Variants in NRXN1 observed in about 807,000 individuals in gnomAD.
NRXN1 encodes the protein neurexin 1, also known as neurexin-1.
In NRXN1, 39 loss-of-function variants were observed where a neutral mutation model predicts 150.9. The ratio of observed to expected loss-of-function variants is 0.26; its 90% confidence interval spans 0.20 to 0.34. NRXN1 has a LOEUF of 0.34. NRXN1 is among the 10% of genes least tolerant of loss of function. NRXN1 has a pLI of 1.00. For missense variants in NRXN1, 1,815 were observed against 1,949.9 expected, an observed-to-expected ratio of 0.93 and a Z score of 1.30; for synonymous variants, 924 against 757.0, an observed-to-expected ratio of 1.22 and a Z score of -3.62.
intron 17 of NRXN1, among the ~76,000 whole-genome samples, chr2:50,380,295 T>C (rs35401861): frequency 0.25 from 37,594 of 149,882 alleles, 4,804 homozygotes; most frequent in East Asian, 0.44. Flanking sequence ...TGTGTGTGTG[T>C]GCGTGTGTGT....
chr2:50,934,929 C>T (rs190363997), intron 2 of NRXN1, among the ~76,000 whole-genome samples: 148 of 152,150 alleles, frequency 9.7e-4, no homozygotes, highest in Admixed American at 2.6e-3. Context: ...AAGTCTTTTC[C>T]TTTAGACCTC....
At chr2:50,569,126 A>G (rs1670284724) in intron 8 of NRXN1, among the ~76,000 whole-genome samples, 1 of 152,068 alleles carries the variant, frequency 6.6e-6, no homozygotes, top group African/African-American at 2.4e-5. Flanking sequence ...AAAAGGATGG[A>G]TACCGGGGCC....
intron 2 of NRXN1, among the ~76,000 whole-genome samples, chr2:50,965,275 T>C (rs1693881801): frequency 6.6e-6 from 1 of 151,372 alleles, no homozygotes; most frequent in Admixed American, 6.6e-5. Flanking sequence ...GACACTAACA[T>C]TTTTATCTCA....
At chr2:50,264,447 G>C (rs1354776809) in intron 17 of NRXN1, among the ~76,000 whole-genome samples, 2 of 152,000 alleles carry the variant, frequency 1.3e-5, no homozygotes, top group African/African-American at 2.4e-5. Flanking sequence ...CAATCATTTT[G>C]AAAGAAGGTA....
chr2:50,635,387 G>C (rs1486114276), intron 5 of NRXN1, among the ~76,000 whole-genome samples: 1 of 149,804 alleles, frequency 6.7e-6, no homozygotes, highest in African/African-American at 2.5e-5. Flanking sequence ...GGATGGTCTC[G>C]ATCTCCTGAG....
chr2:50,000,129 A>T (rs1025630963), intron 21 of NRXN1, among the ~76,000 whole-genome samples: 1 of 152,204 alleles, frequency 6.6e-6, no homozygotes, highest in African/African-American at 2.4e-5. Context: ...GTATCCTGAT[A>T]TGATGAACTA....
intron 17 of NRXN1, among the ~76,000 whole-genome samples, chr2:50,420,962 C>CTGTGTGTG (rs4032055): frequency 1.4e-3 from 169 of 120,020 alleles, no homozygotes; most frequent in Non-Finnish European, 1.8e-3. Flanking sequence ...CAAAATAGAC[C>CTGTGTGTG]TGTGTGTGTG....
chr2:50,945,899 T>TACAC (rs1553403042), intron 2 of NRXN1, among the ~76,000 whole-genome samples: 37 of 103,020 alleles, frequency 3.6e-4, no homozygotes, highest in African/African-American at 1.3e-3. Context: ...TATATATATA[T>TACAC]ACACACACAC....
intron 21 of NRXN1, among the ~76,000 whole-genome samples, 157 bp from the exon 22 acceptor site, chr2:49,943,948 T>C (rs1475625358): frequency 4.6e-5 from 7 of 152,242 alleles, no homozygotes; most frequent in Non-Finnish European, 7.3e-5. Flanking sequence ...AGATCCTTCA[T>C]AGAAGTAACT....
At chr2:50,699,290 C>A (rs1693391050) in intron 5 of NRXN1, among the ~76,000 whole-genome samples, 2 of 152,166 alleles carry the variant, frequency 1.3e-5, no homozygotes, top group Non-Finnish European at 2.9e-5. Flanking sequence ...TAGACAGAAT[C>A]CTCACCACCA....
chr2:50,993,099 T>C (rs1440940889), intron 2 of NRXN1, among the ~76,000 whole-genome samples: 1 of 151,976 alleles, frequency 6.6e-6, no homozygotes, highest in Non-Finnish European at 1.5e-5. Flanking sequence ...AGGGAATTAT[T>C]TGAAGCATAC....
chr2:49,929,899 C>A (rs1669824292), intron 22 of NRXN1, among the ~76,000 whole-genome samples: 1 of 152,136 alleles, frequency 6.6e-6, no homozygotes, highest in Non-Finnish European at 1.5e-5. Flanking sequence ...AAGAAGGAAT[C>A]ACACAGTTAA....
chr2:51,009,231 A>C (rs1667482244), intron 2 of NRXN1: 1 of 151,902 alleles, frequency 6.6e-6, no homozygotes, highest in South Asian at 2.1e-4. Context: ...CTCTATAGAT[A>C]TTCAGTTGTG....
chr2:50,873,252 A>T (rs988788945), intron 5 of NRXN1, among the ~76,000 whole-genome samples: 7 of 151,850 alleles, frequency 4.6e-5, no homozygotes, highest in Admixed American at 6.6e-5. Context: ...GGCATATAAT[A>T]ACACTATATA....
chr2:50,091,520 G>T, intron 18 of NRXN1, 26 bp from the exon 19 acceptor site: 1 of 1,608,966 alleles, frequency 6.2e-7, no homozygotes, highest in Non-Finnish European at 8.5e-7. Context: ...GGAAAAAAGA[G>T]TTGAATTAAG....
intron 18 of NRXN1, among the ~76,000 whole-genome samples, chr2:50,108,189 C>T (rs1162660213): frequency 6.6e-6 from 1 of 152,120 alleles, no homozygotes; most frequent in African/African-American, 2.4e-5. Context: ...AAATTACAAT[C>T]CCTCCTAAAT....
At chr2:50,110,564 T>C (rs1702251880) in intron 18 of NRXN1, among the ~76,000 whole-genome samples, 1 of 148,474 alleles carries the variant, frequency 6.7e-6, no homozygotes, top group African/African-American at 2.5e-5. Context: ...ACCTTCAAAA[T>C]AAAAAATAAT....
intron 17 of NRXN1, among the ~76,000 whole-genome samples, chr2:50,405,117 T>C (rs1240864217): frequency 6.6e-6 from 1 of 152,298 alleles, no homozygotes; most frequent in African/African-American, 2.4e-5. Flanking sequence ...GCATTCTTCA[T>C]AAATCTTCAA....
chr2:50,798,215 T>A (rs1207695719), intron 5 of NRXN1, among the ~76,000 whole-genome samples: 1 of 152,162 alleles, frequency 6.6e-6, no homozygotes, highest in East Asian at 1.9e-4. Context: ...CATTGGTTAA[T>A]ATAGTTGTTA....
Sources: gnomAD v4.1 joint callset for allele counts (sites outside exome capture counted in the v4.1 genomes callset) on GRCh38, gnomAD v4.1.1 for gene constraint, MANE v1.5 for transcripts, NCBI Gene and HGNC (gene_info 2026-07-23, HGNC 2026-07-21) for gene names.